Variants in ADGB observed in about 807,000 individuals in gnomAD.
The protein encoded by ADGB is androglobin, also known as calpain-7-like protein.
In ADGB, 172 loss-of-function variants were observed where a neutral mutation model predicts 210.5. The ratio of observed to expected loss-of-function variants is 0.82; its 90% confidence interval spans 0.72 to 0.93. The LOEUF (loss-of-function observed/expected upper bound fraction) is 0.93, where lower values mean the gene tolerates loss of function less well. Ranked by LOEUF, ADGB falls within the 40% of genes least tolerant of loss-of-function variation. The pLI is 0.00. For synonymous variants in ADGB, 658 were observed against 662.7 expected, an observed-to-expected ratio of 0.99 and a Z score of 0.11; for missense variants, 2,025 against 1,964.8, an observed-to-expected ratio of 1.03 and a Z score of -0.58.
At chr6:146,715,152 T>C (rs1583602429) in intron 13 of ADGB, among the ~76,000 whole-genome samples, 1 of 152,352 alleles carries the variant, frequency 6.6e-6, no homozygotes, top group East Asian at 1.9e-4. Flanking sequence ...ATTAACATAT[T>C]CTGTGTCTTA....
intron 2 of ADGB, among the ~76,000 whole-genome samples, chr6:146,636,849 A>T (rs1216202124): frequency 6.6e-6 from 1 of 151,978 alleles, no homozygotes; most frequent in Non-Finnish European, 1.5e-5. Flanking sequence ...TAATTTCCTT[A>T]AGCATCCAAA....
intron 35 of ADGB, among the ~76,000 whole-genome samples, chr6:146,811,140 A>AC (rs1193148007): frequency 6.6e-6 from 1 of 152,100 alleles, no homozygotes; most frequent in Non-Finnish European, 1.5e-5. Flanking sequence ...CAACCTTATG[A>AC]CCCCAGCTCC....
chr6:146,653,847 T>G (rs1177409873), intron 3 of ADGB, among the ~76,000 whole-genome samples: 1 of 152,204 alleles, frequency 6.6e-6, no homozygotes, highest in African/African-American at 2.4e-5. Flanking sequence ...CCTATAGCTC[T>G]AAGAATTATC....
chr6:146,768,018 C>A lies in ADGB; in HGVS notation c.3751-1002C>A, dbSNP rs199630731. ...AAATCAGAAAACACCCAGGAATTAA[C>A]CAAAAATATATCAGTTTTCCACATA... is the stretch of plus-strand genomic sequence containing the variant. On this transcript the variant is annotated intron_variant, in intron 28 of 35. Transcript: ENST00000397944. Among the ~76,000 whole-genome samples, 84 of 152,238 alleles carry A rather than the reference C, an allele frequency of 5.5e-4. No homozygotes were observed. The East Asian group carries it at 7.3e-3, about 13-fold the overall frequency.
At chr6:146,757,467 C>G (rs187271770) in intron 27 of ADGB, among the ~76,000 whole-genome samples, 1 of 151,924 alleles carries the variant, frequency 6.6e-6, no homozygotes, top group Non-Finnish European at 1.5e-5. Flanking sequence ...CTCTATCTCT[C>G]TTTTAAAAAT....
At chr6:146,803,081 T>C in intron 35 of ADGB, 1 of 1,542,402 alleles carries the variant, frequency 6.5e-7, no homozygotes, top group Non-Finnish European at 9.0e-7. Flanking sequence ...GTGAGATATA[T>C]TGTTTTTCTT....
chr6:146,665,936 A>T (rs964081635), intron 6 of ADGB, among the ~76,000 whole-genome samples: 3 of 152,098 alleles, frequency 2.0e-5, no homozygotes, highest in Non-Finnish European at 4.4e-5. Flanking sequence ...CACTTCATAA[A>T]TTTGTCCAAT....
At chr6:146,636,805 G>A (rs957547) in intron 2 of ADGB, among the ~76,000 whole-genome samples, 48,313 of 151,854 alleles carry the variant, frequency 0.32, 8,544 homozygotes, top group Admixed American at 0.41. Flanking sequence ...GTAGCTCTTA[G>A]CGCTGATTTG....
intron 23 of ADGB, among the ~76,000 whole-genome samples, chr6:146,737,797 T>C (rs1228849963): frequency 6.6e-6 from 1 of 152,034 alleles, no homozygotes; most frequent in Non-Finnish European, 1.5e-5. Flanking sequence ...ACCAGGGAGG[T>C]GTAACACTAG....
At position 146,717,018 on chromosome 6, in the gene ADGB, G is replaced by C; in HGVS notation, c.1877G>C (p.Ser626Thr). ...GAAGAACTTCCAACAACAAATAATA[G>C]TGTTTCTAAAGAAATATGGTTAGAT... ...SQEELPTTNN[S>T]VSKEIWLDFE... Residue 626 changes from serine to threonine, a missense_variant, in exon 15 of 36, where the codon AGT (serine) becomes ACT (threonine). Physicochemically the swap from Ser to Thr is moderately conservative, Grantham distance 58. Coordinates refer to ENST00000397944, the MANE Select transcript of ADGB (RefSeq NM_024694.4). 6.4e-7 allele frequency: 1 copy of C among 1,551,520 alleles called. No individual in the cohort carries two copies. Among genetic ancestry groups the C allele is most frequent in the South Asian group, 1.2e-5 (1 of 84,050 alleles).
chr6:146,777,948 A>G (rs1387862510), intron 29 of ADGB, among the ~76,000 whole-genome samples: 1 of 152,198 alleles, frequency 6.6e-6, no homozygotes, highest in Non-Finnish European at 1.5e-5. Context: ...TATGATTTCT[A>G]CACTCACCAA....
intron 33 of ADGB, among the ~76,000 whole-genome samples, chr6:146,797,822 G>C (rs9322077): frequency 0.14 from 21,122 of 151,990 alleles, 3,050 homozygotes; most frequent in African/African-American, 0.37. Context: ...GTACACAGCT[G>C]AAGTAATGGG....
chr6:146,814,969 C>G lies in ADGB; in HGVS notation c.4819-63C>G, dbSNP rs1347470687. ...CAGGGTAAAGGAATTTCATTTTTTT[C>G]TTTCTGGGAACATAAGCCTTTACCA... On this transcript the variant is annotated intron_variant, in intron 35 of 35. Transcript: ENST00000397944. 9.0e-6 allele frequency: 13 copies of G among 1,451,200 alleles called. 1 individual carries two copies. The Admixed American group carries it at 2.3e-4, about 26-fold the overall frequency. 89.9% of individuals were successfully genotyped at this position (1,451,200 alleles called of 1,614,324 possible).
At chr6:146,802,525 A>G (rs1778149829) in intron 35 of ADGB, 2 of 331,454 alleles carry the variant, frequency 6.0e-6, no homozygotes, top group South Asian at 4.7e-5. Flanking sequence ...CCAAATAACC[A>G]TATAATTCCC....
intron 1 of ADGB, among the ~76,000 whole-genome samples, chr6:146,624,473 A>G (rs1780944350): frequency 6.6e-6 from 1 of 151,784 alleles, no homozygotes; most frequent in Non-Finnish European, 1.5e-5. Flanking sequence ...TATATTCTTG[A>G]TCAATCTGAT....
chr6:146,694,562 C>G (rs1776379190), intron 12 of ADGB, among the ~76,000 whole-genome samples: 1 of 152,114 alleles, frequency 6.6e-6, no homozygotes, highest in Admixed American at 6.6e-5. Context: ...CCTTCCTTCC[C>G]CTTCATCTAG....
chr6:146,654,375 C>T (rs1775749906), intron 4 of ADGB, among the ~76,000 whole-genome samples, 169 bp downstream of exon 4: 1 of 151,452 alleles, frequency 6.6e-6, no homozygotes. Flanking sequence ...GTGTTTGAGA[C>T]AGAGTCTTGC....
intron 7 of ADGB, among the ~76,000 whole-genome samples, chr6:146,668,242 A>G (rs1177026106): frequency 6.6e-6 from 1 of 152,086 alleles, no homozygotes; most frequent in Non-Finnish European, 1.5e-5. Context: ...AAGATGATTA[A>G]ATCTACAGTA....
rs545157600 is a variant in ADGB at position 146,685,849 on chromosome 6, A to G, written c.1311+21A>G. ...AGATGGTAAGCATTCAAGCTTAGGA[A>G]ACAGTATTATTTATTTTGTGTGTGT... On this transcript the variant is annotated intron_variant, in intron 10 of 35. Coordinates refer to ENST00000397944, the MANE Select transcript of ADGB (RefSeq NM_024694.4). 2.0e-4 allele frequency: 289 copies of G among 1,464,768 alleles called. 2 individuals are homozygous for G. The South Asian group carries it at 3.4e-3, about 17-fold the overall frequency. The allele number at this position is 1,464,768 out of a possible 1,614,324, so 90.7% of individuals were successfully genotyped here.
Sources: gnomAD v4.1 joint callset for allele counts (sites outside exome capture counted in the v4.1 genomes callset) on GRCh38, gnomAD v4.1.1 for gene constraint, MANE v1.5 for transcripts, NCBI Gene and HGNC (gene_info 2026-07-23, HGNC 2026-07-21) for gene names.